Variants in ADGRB1 observed in about 807,000 individuals in gnomAD.
ADGRB1 encodes the protein brain-specific angiogenesis inhibitor 1.
Under a neutral mutation model 175.7 loss-of-function variants are expected in ADGRB1, and 36 were observed. The observed-to-expected ratio is 0.20, with a 90% CI of 0.16 to 0.27. The LOEUF (loss-of-function observed/expected upper bound fraction) is 0.27. Among genes scored for constraint, ADGRB1 ranks in the 10% least tolerant of loss-of-function variants. The pLI is 1.00. For missense variants in ADGRB1, 1,731 were observed against 2,255.3 expected (o/e 0.77, Z 4.71); for synonymous variants, 1,054 against 979.4 (o/e 1.08, Z -1.42).
intron 16 of ADGRB1, 128 bp from the exon 17 acceptor site, chr8:142,490,644 C>A: frequency 1.8e-6 from 2 of 1,092,746 alleles, no homozygotes; most frequent in Non-Finnish European, 2.6e-6. Context: ...TCGCAAAACG[C>A]AGTCTGTTCA....
At chr8:142,463,109 T>A (rs1447641136) in intron 1 of ADGRB1, among the ~76,000 whole-genome samples, 1 of 152,178 alleles carries the variant, frequency 6.6e-6, no homozygotes, top group African/African-American at 2.4e-5. Context: ...AGTTTTCCCA[T>A]CATGAATGAT....
At chr8:142,532,505 T>C (rs1844681120) in intron 24 of ADGRB1, among the ~76,000 whole-genome samples, 1 of 152,234 alleles carries the variant, frequency 6.6e-6, no homozygotes, top group South Asian at 2.1e-4. Context: ...AGGAAGGGTC[T>C]ACAGGCAGGT....
intron 18 of ADGRB1, 84 bp from the exon 19 acceptor site, chr8:142,518,054 G>T: frequency 7.5e-7 from 1 of 1,340,770 alleles, no homozygotes. Context: ...CCGGGGCTGC[G>T]GGCTCTCGGG....
intron 17 of ADGRB1, among the ~76,000 whole-genome samples, chr8:142,495,845 G>A (rs1842186679): frequency 6.8e-6 from 1 of 146,042 alleles, no homozygotes; most frequent in Non-Finnish European, 1.5e-5. Context: ...GTTAGGACTT[G>A]GACATATATT....
intron 18 of ADGRB1, among the ~76,000 whole-genome samples, chr8:142,516,244 CGGGCCCCAG>C: frequency 8.4e-6 from 1 of 119,540 alleles, no homozygotes; most frequent in African/African-American, 3.4e-5. Flanking sequence ...TGTGCGTGTG[CGGGCCCCAG>C]GTGCGTGCGT....
At position 142,537,888 on chromosome 8, in the gene ADGRB1, G is replaced by A. The variant is rs755910905; in HGVS notation, c.3666+806G>A. On this transcript the variant is annotated intron_variant, in intron 26 of 30. Transcript: ENST00000517894. This position sits in a 1 kb window ranked among gnomAD's most constrained non-coding sequence, Gnocchi z 4.6. ...GTGCCCCTGGGGCTCAGCCAGGACC[G>A]TAGTGGGCTCCTAGTCACCAAGTCT... Among the ~76,000 whole-genome samples, 1 of 152,106 alleles carries A rather than the reference G, an allele frequency of 6.6e-6. No individual in the cohort carries two copies.
At chr8:142,450,163 G>A (rs1278102374) in intron 1 of ADGRB1, 59 bp downstream of exon 1, 1 of 149,470 alleles carries the variant, frequency 6.7e-6, no homozygotes, top group Non-Finnish European at 1.5e-5. Context: ...AGCGAGGGTG[G>A]GAGGGGGTCG....
intron 13 of ADGRB1, 66 bp downstream of exon 13, chr8:142,484,830 C>T: frequency 2.5e-6 from 3 of 1,203,530 alleles, no homozygotes; most frequent in South Asian, 2.7e-5. Flanking sequence ...GGCCCTTCTG[C>T]CTCAGCATCC....
In ADGRB1 at chr8:142,500,381, C is replaced by G. The variant is rs867204948; in HGVS notation, c.2675+9566C>G. Among the ~76,000 whole-genome samples the G allele has an allele frequency of 1.7e-3, 165 of 97,924 alleles. 41 individuals are homozygous for G. The highest frequency in any genetic ancestry group is 6.9e-3 in the African/African-American group (134 of 19,442). 64.2% of individuals were successfully genotyped at this position (97,924 alleles called of 152,430 possible). On this transcript the variant is annotated intron_variant, in intron 17 of 30. Coordinates refer to ENST00000517894, the MANE Select transcript of ADGRB1 (RefSeq NM_001702.3). ...CCCCGCGCCTTTCCTCCCCTGCCCC[C>G]CGCGCCGCTCCTCCCCCGCCCCCTA...
In ADGRB1 at chr8:142,511,035, TC is replaced by T; in HGVS notation, c.2781del (p.Thr928ProfsTer5). The stretch of plus-strand genomic sequence containing the variant: ...GACGCGCTGCCTCTGTGACCGGCTC[TC>T]CACCTTCGCCATCTTAGCCCAGCTC... Reference protein sequence around the residue: ...LRTRCLCDRLSTFAILAQLSA... With the variant: ...LRTRCLCDRLXTFAILAQLSA... On this transcript the variant is annotated frameshift_variant, in exon 18 of 31. Coordinates refer to ENST00000517894, the MANE Select transcript of ADGRB1 (RefSeq NM_001702.3). LOFTEE classifies it high-confidence loss of function. This position sits in a 1 kb window ranked among gnomAD's most constrained non-coding sequence, Gnocchi z 4.5. The T allele has an allele frequency of 7.7e-7, 1 of 1,299,220 alleles. No homozygotes were observed. 80.5% of individuals were successfully genotyped at this position (1,299,220 alleles called of 1,614,324 possible).
intron 2 of ADGRB1, among the ~76,000 whole-genome samples, chr8:142,467,239 G>A (rs1023161277): frequency 2.6e-5 from 4 of 152,230 alleles, no homozygotes; most frequent in African/African-American, 9.6e-5. Flanking sequence ...GCCTTAGCAG[G>A]GCTTTGGGCA....
Position 142,481,607 on chromosome 8 carries a change from G to A in ADGRB1, c.2026G>A (p.Gly676Arg), listed in dbSNP as rs372124996. 8.7e-6 allele frequency: 14 copies of A among 1,604,986 alleles called. No homozygotes were observed. The African/African-American group carries it at 9.4e-5, about 11-fold the overall frequency. The change falls in exon 11 of 31, where the codon GGG becomes AGG. Residue 676 changes from glycine to arginine, a missense_variant. Transcript: ENST00000517894. ...IQTLVEISQD[G>R]TSYSGDLLST... ...GACACTGGTGGAGATCTCTCAGGACGGGACCAGCTACAGTGGGGACCTGCT... is the reference window on the plus strand; with the variant it reads ...GACACTGGTGGAGATCTCTCAGGACAGGACCAGCTACAGTGGGGACCTGCT...
At chr8:142,459,456 C>A (rs1240679068) in intron 1 of ADGRB1, among the ~76,000 whole-genome samples, 1 of 152,150 alleles carries the variant, frequency 6.6e-6, no homozygotes, top group Non-Finnish European at 1.5e-5. Flanking sequence ...ATTGTTGGCT[C>A]AGGCCTGGAC....
intron 3 of ADGRB1, among the ~76,000 whole-genome samples, chr8:142,476,004 G>A (rs943204419): frequency 6.6e-6 from 1 of 150,736 alleles, no homozygotes; most frequent in South Asian, 2.1e-4. Context: ...CTTCCGGTTT[G>A]TGGATTGGGG....
At chr8:142,482,068 T>C (rs921496899) in intron 11 of ADGRB1, among the ~76,000 whole-genome samples, 18 of 144,360 alleles carry the variant, frequency 1.2e-4, no homozygotes, top group African/African-American at 4.5e-4. Flanking sequence ...GGTCACATGC[T>C]GAGCCCCAAC....
intron 2 of ADGRB1, among the ~76,000 whole-genome samples, chr8:142,467,079 C>T (rs980413276): frequency 7.2e-5 from 11 of 152,184 alleles, no homozygotes; most frequent in Admixed American, 6.5e-4. Flanking sequence ...GCATGTGACG[C>T]GTGGAGAGGC....
intron 20 of ADGRB1, among the ~76,000 whole-genome samples, 173 bp from the exon 21 acceptor site, chr8:142,521,792 C>T (rs1232202161): frequency 6.6e-6 from 1 of 152,216 alleles, no homozygotes; most frequent in East Asian, 1.9e-4. Flanking sequence ...GTCAACAATT[C>T]ATCTCAGGGC....
intron 9 of ADGRB1, among the ~76,000 whole-genome samples, chr8:142,480,442 AG>A (rs758269076): frequency 1.6e-4 from 24 of 152,028 alleles, no homozygotes; most frequent in Admixed American, 5.2e-4. Flanking sequence ...GGACGGTGGC[AG>A]GGGCCCTGTG....
intron 25 of ADGRB1, among the ~76,000 whole-genome samples, chr8:142,534,705 A>G (rs1844826449): frequency 6.6e-6 from 1 of 152,164 alleles, no homozygotes; most frequent in Non-Finnish European, 1.5e-5. Flanking sequence ...TGGAGTTGCA[A>G]CCCAACCAGA....
Sources: gnomAD v4.1 joint callset for allele counts (sites outside exome capture counted in the v4.1 genomes callset) on GRCh38, gnomAD v4.1.1 for gene constraint, Gnocchi (gnomAD v3.1) non-coding constraint, MANE v1.5 for transcripts, NCBI Gene and HGNC (gene_info 2026-07-23, HGNC 2026-07-21) for gene names.